ALOX12B: variants seen among roughly 807,000 people sequenced by gnomAD.
The protein encoded by ALOX12B is arachidonate 12-lipoxygenase, 12R type, also known as arachidonate 12-lipoxygenase, 12R-type.
In ALOX12B, 47 loss-of-function variants were observed where a neutral mutation model predicts 78.9. The ratio of observed to expected loss-of-function variants is 0.60; its 90% CI spans 0.47 to 0.76. The LOEUF is 0.76. ALOX12B is among the 30% of genes least tolerant of loss of function. The pLI, the probability that ALOX12B is intolerant of heterozygous loss-of-function variation, is 0.00. For missense variants in ALOX12B, 805 were observed against 922.6 expected (o/e 0.87, Z 1.65); for synonymous variants, 370 against 374.5 (o/e 0.99, Z 0.14).
chr17:8,082,349 G>A (rs1187470485), intron 2 of ALOX12B, among the ~76,000 whole-genome samples: 2 of 152,184 alleles, frequency 1.3e-5, no homozygotes, highest in African/African-American at 4.8e-5. Context: ...ATATGTGACA[G>A]TAAGCTGTGG....
At position 8,087,197 on chromosome 17, in the gene ALOX12B, C is replaced by T. The variant is rs149062667; in HGVS notation, c.147+99G>A. ...TCCCCCTGCGCACCTTCACCCCTCC[C>T]GGGGCCACAAAGACACACAGACACA... On this transcript the variant is annotated intron_variant, in intron 1 of 14. Transcript: ENST00000647874. 7.2e-4 allele frequency: 1,110 copies of T among 1,541,420 alleles called. 12 individuals are homozygous for T. The African/African-American group carries it at 0.012, about 17-fold the overall frequency.
intron 11 of ALOX12B, 75 bp downstream of exon 11, chr17:8,076,100 T>C (rs1977074214): frequency 1.6e-5 from 26 of 1,594,442 alleles, no homozygotes; most frequent in Non-Finnish European, 2.1e-5. Context: ...CTCAGTTCTC[T>C]AGAAGCTCCC....
chr17:8,080,980 C>A lies in ALOX12B; in HGVS notation c.435-4G>T. ...GCCAGGAAGAAAGACTCGCCAGCTG[C>A]AAGGGAAACCGAGATGTCACCCTCA... On this transcript the variant is annotated splice_region_variant and splice_polypyrimidine_tract_variant and intron_variant, in intron 3 of 14. Coordinates refer to ENST00000647874, the MANE Select transcript of ALOX12B (RefSeq NM_001139.3). This position sits in a 1 kb window ranked among gnomAD's most constrained non-coding sequence, Gnocchi z 4.8. 6.2e-7 allele frequency: 1 copy of A among 1,613,968 alleles called. No individual in the cohort carries two copies. Among genetic ancestry groups the A allele is most frequent in the East Asian group, 2.2e-5 (1 of 44,878 alleles).
chr17:8,081,236 C>T, intron 2 of ALOX12B, 49 bp from the exon 3 acceptor site: 1 of 1,581,010 alleles, frequency 6.3e-7, no homozygotes, highest in East Asian at 2.2e-5. Flanking sequence ...TTGCCCCTGC[C>T]CACTTCAGGA....
chr17:8,080,937 G>A lies in ALOX12B; in HGVS notation c.474C>T (p.His158=). The part of the protein sequence containing the change: ...VFLPGLPSYV[H]IPSYRPPVRR... ...GCACCGGAGGGCGGTAACTGGGAAT[G>A]TGCACATAGCTGGGCAGGCCAGGAA... is the stretch of plus-strand genomic sequence containing the variant. The change falls in exon 4 of 15, where the codon CAC becomes CAT. Residue 158 remains histidine, a synonymous_variant. Transcript: ENST00000647874. This position sits in a 1 kb window ranked among gnomAD's most constrained non-coding sequence, Gnocchi z 4.8. 1 of 1,613,946 alleles carries A rather than the reference G, an allele frequency of 6.2e-7. No individual in the cohort carries two copies. The highest frequency in any genetic ancestry group is 8.5e-7 in the Non-Finnish European group (1 of 1,180,012).
In ALOX12B at chr17:8,080,584, G is replaced by C; in HGVS notation, c.650+74C>G. 1 of 1,609,140 alleles carries C rather than the reference G, an allele frequency of 6.2e-7. No homozygotes were observed. Among genetic ancestry groups the C allele is most frequent in the South Asian group, 1.1e-5 (1 of 90,264 alleles). ...CATTCCAACCTCTGGGGCTGTCTTG[G>C]AGGCCGCCAAGGTTGGGGGAGAGGG... is the stretch of plus-strand genomic sequence containing the variant. On this transcript the variant is annotated intron_variant, in intron 5 of 14. Transcript: ENST00000647874. This position sits in a 1 kb window ranked among gnomAD's most constrained non-coding sequence, Gnocchi z 4.8.
Position 8,072,814 on chromosome 17 carries a change from T to C in ALOX12B, c.2063A>G (p.Tyr688Cys). ...CTCAATCAGCACCGGGTCCAGGTAG[T>C]AGTAGGGGATGGGAAGGCACTTGTT... The part of the protein sequence containing the change: ...QRNKCLPIPY[Y>C]YLDPVLIENS... Residue 688 changes from tyrosine (Y) to cysteine (C), a missense_variant, in exon 15 of 15, where the codon TAC becomes TGC. Physicochemically the swap from Tyr to Cys is radical, Grantham distance 194 (BLOSUM62 -2). Transcript: ENST00000647874. 6.2e-7 allele frequency: 1 copy of C among 1,614,198 alleles called. No individual in the cohort carries two copies.
intron 8 of ALOX12B, among the ~76,000 whole-genome samples, chr17:8,078,278 T>C (rs1977131220): frequency 6.6e-6 from 1 of 151,510 alleles, no homozygotes; most frequent in Non-Finnish European, 1.5e-5. Flanking sequence ...CCTGAATATC[T>C]GGGACTACAG....
At chr17:8,087,165 A>G in intron 1 of ALOX12B, 131 bp downstream of exon 1, 1 of 1,351,388 alleles carries the variant, frequency 7.4e-7, no homozygotes, top group Non-Finnish European at 1.0e-6. Flanking sequence ...AGCTCAGCTC[A>G]CCTGGCTCCC....
chr17:8,083,254 G>A (rs1339115852), intron 2 of ALOX12B, among the ~76,000 whole-genome samples: 1 of 151,984 alleles, frequency 6.6e-6, no homozygotes, highest in East Asian at 1.9e-4. Context: ...ACATGTGTAT[G>A]TAGCTTCTCA....
At position 8,081,207 on chromosome 17, in the gene ALOX12B, A is replaced by G. The variant is rs1977211010; in HGVS notation, c.353-20T>C. 7 of 1,611,956 alleles carry G rather than the reference A, an allele frequency of 4.3e-6. No homozygotes were observed. The highest frequency in any genetic ancestry group is 3.3e-5 in the Admixed American group (2 of 59,980). ...TCTTTCCTGTAGGGAGACCAAGGAG[A>G]GGACTCAAGGGCTGACCCTTGCCCC... On this transcript the variant is annotated intron_variant, in intron 2 of 14. Coordinates refer to ENST00000647874, the MANE Select transcript of ALOX12B (RefSeq NM_001139.3).
Position 8,075,589 on chromosome 17 carries a change from C to A in ALOX12B, c.1654+6G>T, listed in dbSNP as rs560842078. On this transcript the variant is annotated splice_donor_region_variant and intron_variant, in intron 12 of 14. Transcript: ENST00000647874. ...CCCCTGATTGCCCAGGTGTCCAGGC[C>A]CATACCTGAGCTCTCCCGCCCCAGG... 1.9e-6 allele frequency: 3 copies of A among 1,614,048 alleles called. No homozygotes were observed. The Admixed American group carries it at 5.0e-5, about 27-fold the overall frequency.
chr17:8,080,405 G>A lies in ALOX12B; in HGVS notation c.651-67C>T, dbSNP rs780889235. ...CCAAGCGCCGGCTGGGGCAGGTGGC[G>A]GGGCCGCCCCATCCACTTAGGTCTC... On this transcript the variant is annotated intron_variant, in intron 5 of 14. Transcript: ENST00000647874. This position sits in a 1 kb window ranked among gnomAD's most constrained non-coding sequence, Gnocchi z 4.8. 7 of 1,559,696 alleles carry A rather than the reference G, an allele frequency of 4.5e-6. No individual in the cohort carries two copies. Among genetic ancestry groups the A allele is most frequent in the South Asian group, 3.3e-5 (3 of 89,930 alleles).
chr17:8,080,580 C>T lies in ALOX12B; in HGVS notation c.650+78G>A. The T allele has an allele frequency of 6.2e-7, 1 of 1,607,910 alleles. No individual in the cohort carries two copies. Among genetic ancestry groups the T allele is most frequent in the Non-Finnish European group, 8.5e-7 (1 of 1,176,360 alleles). ...TGGCCATTCCAACCTCTGGGGCTGT[C>T]TTGGAGGCCGCCAAGGTTGGGGGAG... On this transcript the variant is annotated intron_variant, in intron 5 of 14. Transcript: ENST00000647874. The surrounding 1 kb of genome is among the most constrained non-coding windows in gnomAD (Gnocchi z 4.8).
At chr17:8,073,444 C>G in intron 13 of ALOX12B, 126 bp from the exon 14 acceptor site, 22 of 1,161,916 alleles carry the variant, frequency 1.9e-5, no homozygotes, top group Non-Finnish European at 2.6e-5. Flanking sequence ...TGAGGCTGGG[C>G]TGGGTTGGTT....
chr17:8,080,892 G>T lies in ALOX12B; in HGVS notation c.519C>A (p.Asn173Lys). 6.2e-7 allele frequency: 1 copy of T among 1,614,006 alleles called. No homozygotes were observed. The highest frequency in any genetic ancestry group is 8.5e-7 in the Non-Finnish European group (1 of 1,180,022). Residue 173 changes from asparagine (N) to lysine (K), a missense_variant, in exon 4 of 15, where the codon AAC (asparagine) becomes AAA (lysine). By Grantham distance (94) the Asn-to-Lys change is moderately conservative (BLOSUM62 0). Transcript: ENST00000647874. The surrounding 1 kb of genome is among the most constrained non-coding windows in gnomAD (Gnocchi z 4.8). ...CAGCTTCGGGTCCTTACTCAGGCCG[G>T]TTGGGGTTGCGATGCCTCCGCACCG... ...RPPVRRHRNP[N>K]RPEWNGYIPG...
chr17:8,078,029 A>G (rs1257957133), intron 8 of ALOX12B, among the ~76,000 whole-genome samples: 2 of 152,188 alleles, frequency 1.3e-5, no homozygotes, highest in East Asian at 3.8e-4. Flanking sequence ...TCCCTAAACA[A>G]TACAGTGTAA....
rs143010639 is a variant in ALOX12B, at chr17:8,080,897, G to T, written c.514C>A (p.Pro172Thr). 3.0e-5 allele frequency: 48 copies of T among 1,613,932 alleles called. No homozygotes were observed. The highest frequency in any genetic ancestry group is 3.3e-4 in the Middle Eastern group (2 of 6,062). The change falls in exon 4 of 15, where the codon CCC (proline) becomes ACC (threonine). Residue 172 changes from proline to threonine, a missense_variant. Coordinates refer to ENST00000647874, the MANE Select transcript of ALOX12B (RefSeq NM_001139.3). This position sits in a 1 kb window ranked among gnomAD's most constrained non-coding sequence, Gnocchi z 4.8. ...TCGGGTCCTTACTCAGGCCGGTTGG[G>T]GTTGCGATGCCTCCGCACCGGAGGG... ...YRPPVRRHRN[P>T]NRPEWNGYIP...
In ALOX12B at chr17:8,079,868, C is replaced by G. The variant is rs1466503688; in HGVS notation, c.828G>C (p.Leu276=). The stretch of plus-strand genomic sequence containing the variant: ...CTGGGATCCGCGTGCAGCGGCGGAT[C>G]AGGCCGGGGTTGACGCCGTTGAGGT... ...YQYLNGVNPG[L]IRRCTRIPDK... Residue 276 remains leucine (L), a synonymous_variant, in exon 7 of 15, where the codon CTG becomes CTC. Coordinates refer to ENST00000647874, the MANE Select transcript of ALOX12B (RefSeq NM_001139.3). This position sits in a 1 kb window ranked among gnomAD's most constrained non-coding sequence, Gnocchi z 6.4. The G allele has an allele frequency of 1.2e-6, 2 of 1,613,452 alleles. No homozygotes were observed. Among genetic ancestry groups the G allele is most frequent in the Admixed American group, 3.3e-5 (2 of 60,008 alleles).
Sources: gnomAD v4.1 joint callset for allele counts (sites outside exome capture counted in the v4.1 genomes callset) on GRCh38, gnomAD v4.1.1 for gene constraint, Gnocchi (gnomAD v3.1) non-coding constraint, MANE v1.5 for transcripts, NCBI Gene and HGNC (gene_info 2026-07-23, HGNC 2026-07-21) for gene names.